The following ITGAE variants were observed in gnomAD, a reference collection of about 807,000 sequenced individuals.
The protein encoded by ITGAE is integrin subunit alpha E.
A neutral mutation model predicts 136.5 loss-of-function variants in ITGAE; 99 were observed. The ratio of observed to expected loss-of-function variants is 0.73; its 90% CI spans 0.62 to 0.86. The LOEUF (loss-of-function observed/expected upper bound fraction) is 0.86. Ranked by LOEUF, ITGAE falls within the 40% of genes least tolerant of loss-of-function variation. The pLI is 0.00. For synonymous variants in ITGAE, 613 were observed against 591.8 expected, an observed-to-expected ratio of 1.04 and a Z score of -0.52; for missense variants, 1,447 against 1,515.3, an observed-to-expected ratio of 0.95 and a Z score of 0.75.
At chr17:3,753,645 T>C in intron 13 of ITGAE, 138 bp downstream of exon 13, 1 of 1,198,046 alleles carries the variant, frequency 8.3e-7, no homozygotes, top group Non-Finnish European at 1.2e-6. Flanking sequence ...AGCAGAGCCC[T>C]CGAGCTCCAC....
chr17:3,743,109 A>G (rs2051624797), intron 19 of ITGAE, among the ~76,000 whole-genome samples: 1 of 152,262 alleles, frequency 6.6e-6, no homozygotes, highest in Admixed American at 6.5e-5. Flanking sequence ...TCTGCAGTGC[A>G]AGACACGACA....
rs2143429712 is a variant in ITGAE, at chr17:3,787,529, T to A, written c.35-9869A>T. On this transcript the variant is annotated intron_variant, in intron 1 of 30. Coordinates refer to ENST00000263087, the MANE Select transcript of ITGAE (RefSeq NM_002208.5). ...CGCCCTGGCATACCAAAGCCCTGGGTTTCCAGGTGTGAGCCACTGTGTCTG... is the reference window on the plus strand; with the variant it reads ...CGCCCTGGCATACCAAAGCCCTGGGATTCCAGGTGTGAGCCACTGTGTCTG... 1.3e-5 allele frequency among the ~76,000 whole-genome samples: 2 copies of A among 152,244 alleles called. 1 individual carries two copies. The highest frequency in any genetic ancestry group is 6.8e-3 in the Middle Eastern group (2 of 294).
chr17:3,774,893 T>C (rs182305104), intron 2 of ITGAE, among the ~76,000 whole-genome samples: 1 of 152,176 alleles, frequency 6.6e-6, no homozygotes, highest in East Asian at 1.9e-4. Flanking sequence ...CACTCCTACA[T>C]CAGCACGCGG....
intron 1 of ITGAE, among the ~76,000 whole-genome samples, chr17:3,793,203 TCA>T (rs940099311): frequency 1.5e-4 from 23 of 151,932 alleles, no homozygotes; most frequent in Admixed American, 5.2e-4. Flanking sequence ...CAGGTGCCCA[TCA>T]CCATGCCCAG....
chr17:3,748,637 GGT>G (rs2051781829), intron 16 of ITGAE, among the ~76,000 whole-genome samples: 2 of 152,166 alleles, frequency 1.3e-5, no homozygotes, highest in South Asian at 4.1e-4. Context: ...ACTGAGACTG[GGT>G]GGTCACAGAT....
chr17:3,767,334 G>T (rs2052324295), intron 2 of ITGAE, among the ~76,000 whole-genome samples: 1 of 152,080 alleles, frequency 6.6e-6, no homozygotes, highest in South Asian at 2.1e-4. Flanking sequence ...CTGACCTCAG[G>T]TGATCCACTC....
intron 3 of ITGAE, among the ~76,000 whole-genome samples, chr17:3,763,162 A>C (rs2052215796): frequency 6.6e-6 from 1 of 152,142 alleles, no homozygotes. Context: ...CAGTGTGCTA[A>C]GATTACAGGC....
chr17:3,772,700 A>G (rs71368152), intron 2 of ITGAE, among the ~76,000 whole-genome samples: 21,229 of 151,812 alleles, frequency 0.14, 1,930 homozygotes, highest in African/African-American at 0.25. Context: ...CTGACCTCAA[A>G]TGATCTGCCC....
chr17:3,739,612 G>C (rs980434434), intron 20 of ITGAE, among the ~76,000 whole-genome samples, 193 bp downstream of exon 20: 2 of 152,170 alleles, frequency 1.3e-5, no homozygotes, highest in Admixed American at 1.3e-4. Context: ...AATCTAGAAA[G>C]TGGGAAGACA....
chr17:3,800,906 A>G (rs1268821329), intron 1 of ITGAE, among the ~76,000 whole-genome samples: 1 of 152,182 alleles, frequency 6.6e-6, no homozygotes, highest in Non-Finnish European at 1.5e-5. Context: ...CAGAACTGGC[A>G]ACACGAAGCC....
In ITGAE at chr17:3,761,428, C is replaced by T. The variant is rs888541625; in HGVS notation, c.408G>A (p.Gln136=). 6.2e-7 allele frequency: 1 copy of T among 1,613,556 alleles called. No homozygotes were observed. The highest frequency in any genetic ancestry group is 1.7e-5 in the Admixed American group (1 of 59,898). Reference sequence around the variant, plus strand: ...CAAGGTCGAAGAAGTTGGCCTGAGCCTGGGGACGGAGGTCAGGGCCCAGGA... The same window carrying T: ...CAAGGTCGAAGAAGTTGGCCTGAGCTTGGGGACGGAGGTCAGGGCCCAGGA... ...CSLLGPDLRP[Q]AQANFFDLEN... The change falls in exon 5 of 31, where the codon CAG becomes CAA. Residue 136 remains glutamine, a synonymous_variant. Transcript: ENST00000263087.
At chr17:3,751,964 G>A in intron 14 of ITGAE, 90 bp from the exon 15 acceptor site, 1 of 1,146,036 alleles carries the variant, frequency 8.7e-7, no homozygotes, top group Non-Finnish European at 1.3e-6. Context: ...TGGGCCGGTG[G>A]GTGCCCACTC....
At chr17:3,720,525 C>T (rs998225110) in intron 28 of ITGAE, 123 bp from the exon 29 acceptor site, 8 of 592,908 alleles carry the variant, frequency 1.3e-5, no homozygotes, top group African/African-American at 5.7e-5. Flanking sequence ...ATGGCCCTAA[C>T]GTACACAACA....
Position 3,753,657 on chromosome 17 carries a change from C to G in ITGAE, c.1527+126G>C, listed in dbSNP as rs2051926964. 3.1e-6 allele frequency: 4 copies of G among 1,288,324 alleles called. No individual in the cohort carries two copies. The South Asian group carries it at 5.6e-5, about 18-fold the overall frequency. 79.8% of individuals were successfully genotyped at this position (1,288,324 alleles called of 1,614,324 possible). A position where few individuals can be genotyped will look rare whatever the true frequency, so the allele number is the denominator to read the frequency against. On this transcript the variant is annotated intron_variant, in intron 13 of 30. Coordinates refer to ENST00000263087, the MANE Select transcript of ITGAE (RefSeq NM_002208.5). ...TGAAGCAGAGCCCTCGAGCTCCACTCAGGAGCCTGAGTTTCACCCAGCCCG... is the reference window on the plus strand; with the variant it reads ...TGAAGCAGAGCCCTCGAGCTCCACTGAGGAGCCTGAGTTTCACCCAGCCCG...
In ITGAE at chr17:3,798,180, T is replaced by C. The variant is rs537177512; in HGVS notation, c.34+2931A>G. Among the ~76,000 whole-genome samples the C allele has an allele frequency of 6.6e-6, 1 of 152,296 alleles. No individual in the cohort carries two copies. Among genetic ancestry groups the C allele is most frequent in the Admixed American group, 6.5e-5 (1 of 15,308 alleles). On this transcript the variant is annotated intron_variant, in intron 1 of 30. Coordinates refer to ENST00000263087, the MANE Select transcript of ITGAE (RefSeq NM_002208.5). This position sits in a 1 kb window ranked among gnomAD's most constrained non-coding sequence, Gnocchi z 4.3. The stretch of plus-strand genomic sequence containing the variant: ...CTGCATTCCGGGGGCATTTCACCTT[T>C]GCTTGGGCTGCCCCTCTGCCTGGAG...
intron 1 of ITGAE, among the ~76,000 whole-genome samples, chr17:3,790,119 A>AC (rs2052902770): frequency 6.6e-6 from 1 of 152,246 alleles, no homozygotes; most frequent in South Asian, 2.1e-4. Context: ...AGGGCCCAAG[A>AC]CTACATTTCC....
chr17:3,738,089 G>C (rs970488022), intron 20 of ITGAE, among the ~76,000 whole-genome samples: 3 of 152,140 alleles, frequency 2.0e-5, no homozygotes, highest in Non-Finnish European at 4.4e-5. Flanking sequence ...CCCATATACG[G>C]CAACTCCAGC....
Position 3,761,999 on chromosome 17 carries a change from C to A in ITGAE, c.248-17G>T. ...GGACATGCTCTGAAAAAGTTAAGCCCAGGTGAGGAGGAGGAGGGGACTCTG... is the reference window on the plus strand; with the variant it reads ...GGACATGCTCTGAAAAAGTTAAGCCAAGGTGAGGAGGAGGAGGGGACTCTG... On this transcript the variant is annotated splice_polypyrimidine_tract_variant and intron_variant, in intron 3 of 30. Coordinates refer to ENST00000263087, the MANE Select transcript of ITGAE (RefSeq NM_002208.5). 6.2e-7 allele frequency: 1 copy of A among 1,611,636 alleles called. No individual in the cohort carries two copies. Among genetic ancestry groups the A allele is most frequent in the Non-Finnish European group, 8.5e-7 (1 of 1,178,404 alleles).
intron 20 of ITGAE, among the ~76,000 whole-genome samples, chr17:3,736,780 A>T (rs889178967): frequency 6.6e-6 from 1 of 152,172 alleles, no homozygotes; most frequent in African/African-American, 2.4e-5. Context: ...AGATGTGCAG[A>T]TCTAGGAAGT....
Sources: gnomAD v4.1 joint callset for allele counts (sites outside exome capture counted in the v4.1 genomes callset) on GRCh38, gnomAD v4.1.1 for gene constraint, Gnocchi (gnomAD v3.1) non-coding constraint, MANE v1.5 for transcripts, NCBI Gene and HGNC (gene_info 2026-07-23, HGNC 2026-07-21) for gene names.